SPRING1: variants seen among roughly 807,000 people sequenced by gnomAD.
SPRING1 encodes the protein SREBF pathway regulator in golgi 1, also known as SREBP regulating gene protein.
A neutral mutation model predicts 24.7 loss-of-function variants in SPRING1; 14 were observed. The observed-to-expected ratio is 0.57, with a 90% CI of 0.37 to 0.88. The LOEUF (loss-of-function observed/expected upper bound fraction) is 0.88, where lower values mean the gene tolerates loss of function less well. SPRING1 is among the 40% of genes least tolerant of loss of function. The pLI, the probability that SPRING1 is intolerant of heterozygous loss-of-function variation, is 0.00. For missense variants in SPRING1, 255 were observed against 268.4 expected (o/e 0.95, Z 0.35); for synonymous variants, 93 against 106.1 (o/e 0.88, Z 0.76).
chr12:116,733,164 C>T lies in SPRING1; in HGVS notation c.111+4626G>A, dbSNP rs570806261. ...CTGGTGATCCTGACCCTGTGAAGGCCTAGGCTAACGTGTGTGCTCGTCTTA... is the reference window on the plus strand; with the variant it reads ...CTGGTGATCCTGACCCTGTGAAGGCTTAGGCTAACGTGTGTGCTCGTCTTA... On this transcript the variant is annotated intron_variant, in intron 1 of 4. Transcript: ENST00000261318. Among the ~76,000 whole-genome samples the T allele has an allele frequency of 6.6e-5, 10 of 152,132 alleles. 1 individual carries two copies. In the East Asian group the frequency reaches 1.7e-3, roughly 26 times the overall value.
intron 1 of SPRING1, among the ~76,000 whole-genome samples, chr12:116,736,564 C>T (rs1391963291): frequency 6.6e-6 from 1 of 152,198 alleles, no homozygotes; most frequent in Non-Finnish European, 1.5e-5. Flanking sequence ...TATCAATGTT[C>T]TATTCACTTA....
In SPRING1 at chr12:116,717,707, G is replaced by A; in HGVS notation, c.*103C>T. 1 of 1,069,302 alleles carries A rather than the reference G, an allele frequency of 9.4e-7. No individual in the cohort carries two copies. Among genetic ancestry groups the A allele is most frequent in the Non-Finnish European group, 1.3e-6 (1 of 751,442 alleles). 66.2% of individuals were successfully genotyped at this position (1,069,302 alleles called of 1,614,324 possible). A position where few individuals can be genotyped will look rare whatever the true frequency, so the allele number is the denominator to read the frequency against. On this transcript the variant is annotated 3_prime_UTR_variant, in exon 5 of 5. Coordinates refer to ENST00000261318, the MANE Select transcript of SPRING1 (RefSeq NM_024738.4). This position sits in a 1 kb window ranked among gnomAD's most constrained non-coding sequence, Gnocchi z 4.2. ...GCCAAGGTTTCCTCACGCTGCCTTTGTCTTCTTCCTGCAGCCTGGCCCGAT... is the reference window on the plus strand; with the variant it reads ...GCCAAGGTTTCCTCACGCTGCCTTTATCTTCTTCCTGCAGCCTGGCCCGAT...
intron 1 of SPRING1, among the ~76,000 whole-genome samples, chr12:116,730,042 A>G (rs1486854237): frequency 1.3e-5 from 2 of 152,112 alleles, no homozygotes; most frequent in Non-Finnish European, 2.9e-5. Context: ...CTGGAACTAC[A>G]GGCACCCACC....
In SPRING1 at chr12:116,712,708, G is replaced by C. The variant is rs1419708793; in HGVS notation, c.*5102C>G. On this transcript the variant is annotated 3_prime_UTR_variant, in exon 5 of 5. Coordinates refer to ENST00000261318, the MANE Select transcript of SPRING1 (RefSeq NM_024738.4). The stretch of plus-strand genomic sequence containing the variant: ...CCAAAGCCACTCCATTCAAAGAACT[G>C]CTGGTGAGGTGCTGGGGAGTCAATC... The C allele has an allele frequency of 6.6e-6, 1 of 152,242 alleles. No individual in the cohort carries two copies. Among genetic ancestry groups the C allele is most frequent in the African/African-American group, 2.4e-5 (1 of 41,450 alleles). 9.4% of individuals were successfully genotyped at this position (152,242 alleles called of 1,614,324 possible).
chr12:116,737,790 C>T lies in SPRING1; in HGVS notation c.111G>A (p.Gln37=). 6.3e-7 allele frequency: 1 copy of T among 1,581,868 alleles called. No homozygotes were observed. The highest frequency in any genetic ancestry group is 2.5e-5 in the East Asian group (1 of 39,842). ...LVYFLSSTFK[Q]EERAVRDRNL... is the part of the protein sequence containing the mutation. ...GAGGAGGGGAAGGGCGGCCACTGACCTGCTTGAAGGTGCTGCTGAGGAAGT... is the reference window on the plus strand; with the variant it reads ...GAGGAGGGGAAGGGCGGCCACTGACTTGCTTGAAGGTGCTGCTGAGGAAGT... Residue 37 remains glutamine, a splice_region_variant and synonymous_variant, in exon 1 of 5, where the codon CAG becomes CAA. Coordinates refer to ENST00000261318, the MANE Select transcript of SPRING1 (RefSeq NM_024738.4).
At chr12:116,723,027 C>A (rs749854191) in intron 2 of SPRING1, 40 bp downstream of exon 2, 1 of 1,610,886 alleles carries the variant, frequency 6.2e-7, no homozygotes, top group South Asian at 1.1e-5. Flanking sequence ...AACCAGCCTA[C>A]GCTCCTGACC....
At chr12:116,718,792 C>T (rs1481663052) in intron 4 of SPRING1, among the ~76,000 whole-genome samples, 2 of 151,404 alleles carry the variant, frequency 1.3e-5, no homozygotes, top group African/African-American at 4.9e-5. Flanking sequence ...TTCAGCCTTC[C>T]TCCTCATTTC....
intron 2 of SPRING1, among the ~76,000 whole-genome samples, chr12:116,722,725 C>T (rs1437665789): frequency 6.6e-6 from 1 of 151,902 alleles, no homozygotes; most frequent in African/African-American, 2.4e-5. Flanking sequence ...TAGAGTTCAC[C>T]CTCGAGATGA....
At chr12:116,729,814 G>A (rs1054210819) in intron 1 of SPRING1, among the ~76,000 whole-genome samples, 1 of 152,204 alleles carries the variant, frequency 6.6e-6, no homozygotes, top group Non-Finnish European at 1.5e-5. Context: ...GGACTGAGGG[G>A]CAGGGGGAAG....
rs1870352015 is a variant in SPRING1 at position 116,720,119 on chromosome 12, A to T, written c.420+177T>A. 1 of 839,002 alleles carries T rather than the reference A, an allele frequency of 1.2e-6. No individual in the cohort carries two copies. Among genetic ancestry groups the T allele is most frequent in the East Asian group, 2.7e-5 (1 of 36,882 alleles). 52.0% of individuals were successfully genotyped at this position (839,002 alleles called of 1,614,324 possible). A position where few individuals can be genotyped will look rare whatever the true frequency, so the allele number is the denominator to read the frequency against. The stretch of plus-strand genomic sequence containing the variant: ...ATTCTGCAAAAGAACCATTCAAGCA[A>T]CTGGGAACCACCTCCTTTCCTTAGA... On this transcript the variant is annotated intron_variant, in intron 3 of 4. Coordinates refer to ENST00000261318, the MANE Select transcript of SPRING1 (RefSeq NM_024738.4). The surrounding 1 kb of genome is among the most constrained non-coding windows in gnomAD (Gnocchi z 4.0).
chr12:116,724,714 C>A (rs1276468101), intron 1 of SPRING1, among the ~76,000 whole-genome samples: 2 of 152,170 alleles, frequency 1.3e-5, no homozygotes, highest in Admixed American at 1.3e-4. Context: ...ACCCCAATAA[C>A]AGAGAAATGA....
In SPRING1 at chr12:116,723,156, T is replaced by C. The variant is rs199738481; in HGVS notation, c.179A>G (p.Lys60Arg). ...GCTATTGCCCAAGTTAAACTGCACT[T>C]TCCACGGGATGGGCTGATTATGGTC... is the stretch of plus-strand genomic sequence containing the variant. ...VHDHNQPIPWKVQFNLGNSSR... is the reference protein window; with the variant it reads ...VHDHNQPIPWRVQFNLGNSSR... Residue 60 changes from lysine to arginine, a missense_variant, in exon 2 of 5, where the codon AAA becomes AGA. Physicochemically the swap from Lys to Arg is conservative, Grantham distance 26. Transcript: ENST00000261318. 1 of 1,613,888 alleles carries C rather than the reference T, an allele frequency of 6.2e-7. No individual in the cohort carries two copies. Among genetic ancestry groups the C allele is most frequent in the East Asian group, 2.2e-5 (1 of 44,888 alleles).
intron 1 of SPRING1, among the ~76,000 whole-genome samples, chr12:116,732,387 G>A (rs1871018629): frequency 6.6e-6 from 1 of 151,932 alleles, no homozygotes; most frequent in Non-Finnish European, 1.5e-5. Context: ...ACCAGCCTGA[G>A]CAACCTAGTA....
rs145496168 is a variant in SPRING1, at chr12:116,723,136, T to A, written c.199A>T (p.Asn67Tyr). ...CACTGATTGCTCGGACGACTGCTAT[T>A]GCCCAAGTTAAACTGCACTTTCCAC... ...IPWKVQFNLGNSSRPSNQCRN... is the reference protein window; with the variant it reads ...IPWKVQFNLGYSSRPSNQCRN... The change falls in exon 2 of 5, where the codon AAT becomes TAT. Residue 67 changes from asparagine (N) to tyrosine (Y), a missense_variant. Transcript: ENST00000261318. 1 of 1,613,450 alleles carries A rather than the reference T, an allele frequency of 6.2e-7. No individual in the cohort carries two copies. The highest frequency in any genetic ancestry group is 8.5e-7 in the Non-Finnish European group (1 of 1,180,038).
chr12:116,720,669 C>G lies in SPRING1; in HGVS notation c.269-222G>C, dbSNP rs1445826803. 6.6e-6 allele frequency among the ~76,000 whole-genome samples: 1 copy of G among 152,192 alleles called. No individual in the cohort carries two copies. The highest frequency in any genetic ancestry group is 1.5e-5 in the Non-Finnish European group (1 of 68,040). ...GCACTCCCCTGTTATCGCCAGGCTA[C>G]ACGTCGGAACCTACCTACACCTACT... On this transcript the variant is annotated intron_variant, in intron 2 of 4. Coordinates refer to ENST00000261318, the MANE Select transcript of SPRING1 (RefSeq NM_024738.4). The surrounding 1 kb of genome is among the most constrained non-coding windows in gnomAD (Gnocchi z 4.0).
chr12:116,737,487 G>C (rs1303862464), intron 1 of SPRING1, among the ~76,000 whole-genome samples: 1 of 145,552 alleles, frequency 6.9e-6, no homozygotes, highest in Non-Finnish European at 1.5e-5. Context: ...GGGGAGGAAA[G>C]AAGAAAGGGA....
At chr12:116,725,291 C>T (rs1870628015) in intron 1 of SPRING1, among the ~76,000 whole-genome samples, 1 of 152,150 alleles carries the variant, frequency 6.6e-6, no homozygotes, top group South Asian at 2.1e-4. Flanking sequence ...TGCATCATTC[C>T]TTTATCCAGC....
Position 116,726,889 on chromosome 12 carries a change from G to C in SPRING1, c.112-3666C>G, listed in dbSNP as rs1434085972. Among the ~76,000 whole-genome samples the C allele has an allele frequency of 2.0e-5, 3 of 152,176 alleles. No individual in the cohort carries two copies. In the South Asian group the frequency reaches 6.2e-4, roughly 31 times the overall value. Reference sequence around the variant, plus strand: ...TCAAGTGCATCCCAGAAGGACCCCTGCCACATCATGACATTCCTGGTAAAC... The same window carrying C: ...TCAAGTGCATCCCAGAAGGACCCCTCCCACATCATGACATTCCTGGTAAAC... On this transcript the variant is annotated intron_variant, in intron 1 of 4. Transcript: ENST00000261318.
intron 1 of SPRING1, among the ~76,000 whole-genome samples, chr12:116,731,682 C>T (rs1289309361): frequency 6.6e-6 from 1 of 152,102 alleles, no homozygotes; most frequent in African/African-American, 2.4e-5. Context: ...CCTAGGAATT[C>T]GAGGCTGCAA....
Sources: gnomAD v4.1 joint callset for allele counts (sites outside exome capture counted in the v4.1 genomes callset) on GRCh38, gnomAD v4.1.1 for gene constraint, Gnocchi (gnomAD v3.1) non-coding constraint, MANE v1.5 for transcripts, NCBI Gene and HGNC (gene_info 2026-07-23, HGNC 2026-07-21) for gene names.